Variants in CSMD1 observed in about 807,000 individuals in gnomAD.
CSMD1 encodes the protein CUB and sushi domain-containing protein 1.
Under a neutral mutation model 417.5 loss-of-function variants are expected in CSMD1, and 213 were observed. The ratio of observed to expected loss-of-function variants is 0.51; its 90% CI spans 0.46 to 0.57. The LOEUF (loss-of-function observed/expected upper bound fraction) is 0.57. CSMD1 is among the 20% of genes least tolerant of loss of function. The pLI, the probability that CSMD1 is intolerant of heterozygous loss-of-function variation, is 0.00. For synonymous variants in CSMD1, 2,862 were observed against 1,736.8 expected (o/e 1.65, Z -16.11); for missense variants, 6,923 against 4,529.7 (o/e 1.53, Z -15.17).
chr8:3,927,641 G>C (rs899207516), intron 5 of CSMD1, among the ~76,000 whole-genome samples: 5 of 151,896 alleles, frequency 3.3e-5, no homozygotes, highest in African/African-American at 7.3e-5. Flanking sequence ...CTCCACACTC[G>C]GCGAAAGAGT....
intron 3 of CSMD1, among the ~76,000 whole-genome samples, chr8:4,068,358 G>A (rs967856094): frequency 2.6e-5 from 4 of 152,138 alleles, no homozygotes; most frequent in African/African-American, 4.8e-5. Context: ...GCAGAGAGGG[G>A]ATCTTATTTG....
intron 1 of CSMD1, among the ~76,000 whole-genome samples, chr8:4,677,082 G>C (rs1031493632): frequency 6.9e-6 from 1 of 144,066 alleles, no homozygotes; most frequent in African/African-American, 2.5e-5. Context: ...GATATATATA[G>C]GGATATATAT....
intron 5 of CSMD1, among the ~76,000 whole-genome samples, chr8:3,826,528 C>A (rs1178651431): frequency 1.3e-5 from 2 of 152,082 alleles, no homozygotes; most frequent in Admixed American, 1.3e-4. Flanking sequence ...TTCAGATGTT[C>A]TGTCTTCCAA....
intron 3 of CSMD1, among the ~76,000 whole-genome samples, chr8:4,222,218 T>G (rs1621526): frequency 0.46 from 70,275 of 151,606 alleles, 18,309 homozygotes; most frequent in Non-Finnish European, 0.59. Flanking sequence ...GAATCAAGAT[T>G]CCTGTAACAC....
chr8:3,182,775 A>G (rs1436512121), intron 36 of CSMD1, among the ~76,000 whole-genome samples: 1 of 118,634 alleles, frequency 8.4e-6, no homozygotes, highest in East Asian at 2.6e-4. Flanking sequence ...GTGTATTGTT[A>G]GAGAAGTGGT....
At chr8:3,726,097 G>A (rs1024286892) in intron 6 of CSMD1, among the ~76,000 whole-genome samples, 1 of 152,098 alleles carries the variant, frequency 6.6e-6, no homozygotes, top group Non-Finnish European at 1.5e-5. Context: ...CAGCCACCGG[G>A]AATGCCACCT....
At chr8:4,984,245 C>T (rs1388936469) in intron 1 of CSMD1, among the ~76,000 whole-genome samples, 1 of 152,144 alleles carries the variant, frequency 6.6e-6, no homozygotes, top group Non-Finnish European at 1.5e-5. Flanking sequence ...TTAAAAATGT[C>T]TAATGTTCTA....
At chr8:4,388,027 A>G (rs973329060) in intron 3 of CSMD1, among the ~76,000 whole-genome samples, 2 of 152,110 alleles carry the variant, frequency 1.3e-5, no homozygotes, top group Non-Finnish European at 2.9e-5. Context: ...CCAAGCATCT[A>G]TTTTACCACA....
chr8:3,692,126 A>T (rs1800281357), intron 7 of CSMD1, among the ~76,000 whole-genome samples: 1 of 152,162 alleles, frequency 6.6e-6, no homozygotes. Context: ...AAGCCACTGC[A>T]TCCGGGTCTC....
intron 5 of CSMD1, among the ~76,000 whole-genome samples, chr8:3,771,958 A>T (rs559534392): frequency 6.6e-6 from 1 of 152,174 alleles, no homozygotes; most frequent in South Asian, 2.1e-4. Context: ...GTCTACTGGC[A>T]TTCAGCAATT....
At chr8:3,961,661 TAATA>T (rs1325843223) in intron 5 of CSMD1, among the ~76,000 whole-genome samples, 1 of 152,058 alleles carries the variant, frequency 6.6e-6, no homozygotes, top group African/African-American at 2.4e-5. Flanking sequence ...AATAAACAAA[TAATA>T]AATAAAGTGA....
intron 2 of CSMD1, among the ~76,000 whole-genome samples, chr8:4,423,875 G>C (rs1031024563): frequency 6.6e-6 from 1 of 151,968 alleles, no homozygotes; most frequent in African/African-American, 2.4e-5. Flanking sequence ...ACATAAACCC[G>C]TATGTCAATG....
At chr8:3,185,192 T>G (rs1209041811) in intron 36 of CSMD1, among the ~76,000 whole-genome samples, 1 of 152,230 alleles carries the variant, frequency 6.6e-6, no homozygotes. Flanking sequence ...AAGCATGAAG[T>G]GCACGAACTC....
intron 8 of CSMD1, among the ~76,000 whole-genome samples, chr8:3,610,559 A>T (rs1490666407): frequency 6.6e-6 from 1 of 152,200 alleles, no homozygotes; most frequent in East Asian, 1.9e-4. Flanking sequence ...GGTCATGTAC[A>T]CATATAAATA....
chr8:3,422,724 G>A (rs1813574007), intron 12 of CSMD1, among the ~76,000 whole-genome samples: 2 of 152,172 alleles, frequency 1.3e-5, no homozygotes, highest in Admixed American at 6.5e-5. Flanking sequence ...CCCTTGTGCT[G>A]CGATAACAGA....
At position 3,271,048 on chromosome 8, in the gene CSMD1, A is replaced by G. The variant is rs553294804; in HGVS notation, c.4153+13096T>C. 5.2e-4 allele frequency among the ~76,000 whole-genome samples: 79 copies of G among 151,714 alleles called. 1 individual carries two copies. In the Middle Eastern group the frequency reaches 0.02, roughly 39 times the overall value. ...ACCCACTAACTTGTCATCTAGCAAT[A>G]GGTATATCTCCCAATGCTGTCCTTC... On this transcript the variant is annotated intron_variant, in intron 26 of 69. Transcript: ENST00000635120.
intron 3 of CSMD1, among the ~76,000 whole-genome samples, chr8:4,138,692 G>A (rs1803590371): frequency 6.6e-6 from 1 of 152,114 alleles, no homozygotes. Context: ...AAATTGTAAT[G>A]AATTCAATAT....
intron 5 of CSMD1, among the ~76,000 whole-genome samples, chr8:3,862,899 G>C (rs966517504): frequency 6.6e-6 from 1 of 152,088 alleles, no homozygotes; most frequent in Non-Finnish European, 1.5e-5. Flanking sequence ...TTCATTCCAG[G>C]ACCTATAGCA....
At position 4,604,292 on chromosome 8, in the gene CSMD1, T is replaced by C. The variant is rs146624830; in HGVS notation, c.302+33050A>G. ...AGGTACAATAGATATAAGACATTGG[T>C]GTCTATATAACAGGAATATGCATTA... On this transcript the variant is annotated intron_variant, in intron 2 of 69. Coordinates refer to ENST00000635120, the MANE Select transcript of CSMD1 (RefSeq NM_033225.6). 7.6e-3 allele frequency among the ~76,000 whole-genome samples: 1,147 copies of C among 151,910 alleles called. 75 individuals are homozygous for C. Among genetic ancestry groups the C allele is most frequent in the Admixed American group, 0.07 (1,061 of 15,224 alleles).
Sources: allele counts gnomAD v4.1 joint callset (sites outside exome capture counted in the v4.1 genomes callset), GRCh38; gene constraint gnomAD v4.1.1; transcripts MANE v1.5; gene names NCBI Gene and HGNC (gene_info 2026-07-23, HGNC 2026-07-21).